Variants in VPS4B observed in about 807,000 individuals in gnomAD.
VPS4B encodes the protein vacuolar protein sorting-associated protein 4B.
VPS4B carries 23 observed loss-of-function variants against 56.1 expected under a neutral mutation model. That is an observed-to-expected ratio of 0.41 (90% CI 0.30 to 0.58). The LOEUF (loss-of-function observed/expected upper bound fraction) is 0.58, where lower values mean the gene tolerates loss of function less well. VPS4B is among the 20% of genes least tolerant of loss of function. The pLI is 0.29. For synonymous variants in VPS4B, 177 were observed against 186.0 expected (o/e 0.95, Z 0.39); for missense variants, 372 against 531.9 (o/e 0.70, Z 2.96).
In VPS4B at chr18:63,396,122, A is replaced by G. The variant is rs530358832; in HGVS notation, c.1092+912T>C. 1.2e-4 allele frequency among the ~76,000 whole-genome samples: 19 copies of G among 152,348 alleles called. No individual in the cohort carries two copies. The South Asian group carries it at 3.5e-3, about 28-fold the overall frequency. The stretch of plus-strand genomic sequence containing the variant: ...GTATAAATGCACCAGATTCTACTCA[A>G]AAATATTCTAGATGTGTCAGAAGCA... On this transcript the variant is annotated intron_variant, in intron 9 of 10. Coordinates refer to ENST00000238497, the MANE Select transcript of VPS4B (RefSeq NM_004869.4).
At chr18:63,403,964 G>T in intron 4 of VPS4B, 138 bp from the exon 5 acceptor site, 1 of 988,024 alleles carries the variant, frequency 1.0e-6, no homozygotes, top group Non-Finnish European at 1.4e-6. Flanking sequence ...TTGAAATAGC[G>T]TGAGCAGGAA....
At chr18:63,399,183 A>G (rs760143317) in intron 8 of VPS4B, 59 bp downstream of exon 8, 85 of 1,437,552 alleles carry the variant, frequency 5.9e-5, no homozygotes, top group Non-Finnish European at 8.0e-5. Context: ...CAAAAAGAGA[A>G]TTATCATCTA....
chr18:63,421,037 C>CAAAAAAA, intron 1 of VPS4B, among the ~76,000 whole-genome samples: 1 of 52,040 alleles, frequency 1.9e-5, no homozygotes, highest in South Asian at 6.7e-4. Flanking sequence ...GACTCCGTCT[C>CAAAAAAA]AAAAAAAAAA....
intron 8 of VPS4B, among the ~76,000 whole-genome samples, chr18:63,398,204 C>CACACATATATATATATATATATAT (rs1298374245): frequency 5.3e-5 from 6 of 112,436 alleles, no homozygotes; most frequent in African/African-American, 2.0e-4. Flanking sequence ...CACACACACA[C>CACACATATATATATATATATATAT]ATATATATAT....
chr18:63,394,046 T>C (rs545312384), intron 9 of VPS4B, among the ~76,000 whole-genome samples: 8 of 152,256 alleles, frequency 5.3e-5, no homozygotes, highest in Non-Finnish European at 1.0e-4. Flanking sequence ...TGCTTTTAGT[T>C]TTTTTCTTGA....
At chr18:63,419,840 G>A (rs964840512) in intron 1 of VPS4B, among the ~76,000 whole-genome samples, 63 of 152,190 alleles carry the variant, frequency 4.1e-4, no homozygotes, top group African/African-American at 1.4e-3. Context: ...CAGGGAAGTG[G>A]AGAATACTGT....
rs1328221184 is a variant in VPS4B at position 63,390,897 on chromosome 18, CAATT to C, written c.*74_*77del. 37 of 999,814 alleles carry C rather than the reference CAATT, an allele frequency of 3.7e-5. No homozygotes were observed. The highest frequency in any genetic ancestry group is 4.9e-5 in the Non-Finnish European group (32 of 656,068). The allele number at this position is 999,814 out of a possible 1,614,324, so 61.9% of individuals were successfully genotyped here. ...TGTGGTAAAAGAGTTTTACTGGAAA[CAATT>C]AATGCGATCCAAATAGACAAAAATA... On this transcript the variant is annotated 3_prime_UTR_variant, in exon 11 of 11. Transcript: ENST00000238497.
chr18:63,413,338 C>T (rs865972902), intron 1 of VPS4B, among the ~76,000 whole-genome samples: 10 of 151,962 alleles, frequency 6.6e-5, no homozygotes, highest in African/African-American at 2.4e-4. Flanking sequence ...CAGGAGTTTG[C>T]GACCAGCGTG....
chr18:63,411,651 G>C (rs1916048819), intron 1 of VPS4B, 73 bp from the exon 2 acceptor site: 2 of 992,412 alleles, frequency 2.0e-6, no homozygotes, highest in Non-Finnish European at 2.6e-6. Flanking sequence ...TAATCATACT[G>C]AAAGTTTTTT....
At position 63,403,844 on chromosome 18, in the gene VPS4B, A is replaced by G. The variant is rs1915862773; in HGVS notation, c.365-18T>C. 1 of 1,592,420 alleles carries G rather than the reference A, an allele frequency of 6.3e-7. No homozygotes were observed. Among genetic ancestry groups the G allele is most frequent in the African/African-American group, 1.4e-5 (1 of 73,908 alleles). ...AATGGCACCTGCAAAAAATTACGTT[A>G]TCTTTAAATTAAGAAAGACTATTTC... On this transcript the variant is annotated intron_variant, in intron 4 of 10. Transcript: ENST00000238497.
intron 1 of VPS4B, among the ~76,000 whole-genome samples, chr18:63,413,273 T>C (rs1257305771): frequency 6.6e-6 from 1 of 152,204 alleles, no homozygotes; most frequent in African/African-American, 2.4e-5. Context: ...TTCTCAGTAT[T>C]TCTTACAACT....
Position 63,410,364 on chromosome 18 carries a change from C to A in VPS4B, c.222G>T (p.Glu74Asp). The A allele has an allele frequency of 6.2e-7, 1 of 1,613,960 alleles. No homozygotes were observed. Among genetic ancestry groups the A allele is most frequent in the Admixed American group, 1.7e-5 (1 of 60,008 alleles). The stretch of plus-strand genomic sequence containing the variant: ...CTTTTTTCTCTTTATTTTTCAGGTA[C>A]TCCTTTAGTTTTTCTGCTCTATCAA... ...EYLDRAEKLK[E>D]YLKNKEKKAQ... Residue 74 changes from glutamate (E) to aspartate (D), a missense_variant, in exon 3 of 11, where the codon GAG (glutamate) becomes GAT (aspartate). This residue lies in a region of VPS4B where 153 missense variants were observed against 190.3 expected (regional missense o/e 0.80). Coordinates refer to ENST00000238497, the MANE Select transcript of VPS4B (RefSeq NM_004869.4).
intron 1 of VPS4B, among the ~76,000 whole-genome samples, chr18:63,413,656 C>T (rs1916096551): frequency 6.6e-6 from 1 of 151,456 alleles, no homozygotes; most frequent in African/African-American, 2.4e-5. Flanking sequence ...GAAATAGGTG[C>T]CAGTAAAAAA....
At position 63,390,871 on chromosome 18, in the gene VPS4B, C is replaced by G. The variant is rs912942123; in HGVS notation, c.*104G>C. On this transcript the variant is annotated 3_prime_UTR_variant, in exon 11 of 11. Coordinates refer to ENST00000238497, the MANE Select transcript of VPS4B (RefSeq NM_004869.4). ...ACTCTGAAGTGAGATGTGTATTTCC[C>G]TGTGGTAAAAGAGTTTTACTGGAAA... is the stretch of plus-strand genomic sequence containing the variant. The G allele has an allele frequency of 1.2e-5, 9 of 737,000 alleles. No individual in the cohort carries two copies. In the Admixed American group the frequency reaches 2.4e-4, roughly 20 times the overall value. 45.7% of individuals were successfully genotyped at this position (737,000 alleles called of 1,614,324 possible).
At chr18:63,407,997 C>T (rs925543422) in intron 3 of VPS4B, among the ~76,000 whole-genome samples, 28 of 152,296 alleles carry the variant, frequency 1.8e-4, no homozygotes, top group African/African-American at 6.3e-4. Context: ...CAATGAACTA[C>T]ACCCAAAGAA....
In VPS4B at chr18:63,389,812, C is replaced by T. The variant is rs1261346318; in HGVS notation, c.*1163G>A. On this transcript the variant is annotated 3_prime_UTR_variant, in exon 11 of 11. Transcript: ENST00000238497. ...GACACCCCATATCACAGACAAGAAA[C>T]TTCCCATAATTCAAAGGGAGACCAT... 1 of 152,578 alleles carries T rather than the reference C, an allele frequency of 6.6e-6. No individual in the cohort carries two copies. Among genetic ancestry groups the T allele is most frequent in the African/African-American group, 2.4e-5 (1 of 41,440 alleles). 9.5% of individuals were successfully genotyped at this position (152,578 alleles called of 1,614,324 possible).
At chr18:63,399,161 T>C (rs373286340) in intron 8 of VPS4B, 81 bp downstream of exon 8, 62 of 1,325,246 alleles carry the variant, frequency 4.7e-5, no homozygotes, top group South Asian at 2.0e-4. Context: ...GTTAGAATGC[T>C]TCCTGACAAG....
intron 3 of VPS4B, among the ~76,000 whole-genome samples, chr18:63,408,245 GA>G (rs1759645525): frequency 1.3e-5 from 2 of 152,032 alleles, no homozygotes; most frequent in Non-Finnish European, 2.9e-5. Flanking sequence ...GTATAAAAGT[GA>G]TAAAGCCAAA....
intron 9 of VPS4B, among the ~76,000 whole-genome samples, 188 bp from the exon 10 acceptor site, chr18:63,393,737 T>C (rs1324779452): frequency 6.6e-6 from 1 of 152,104 alleles, no homozygotes; most frequent in Non-Finnish European, 1.5e-5. Context: ...AGATTTTGGT[T>C]GCTTTTAGTT....
Sources: gnomAD v4.1 joint callset for allele counts (sites outside exome capture counted in the v4.1 genomes callset) on GRCh38, gnomAD v4.1.1 for gene constraint, gnomAD v4.1.1 regional missense constraint, MANE v1.5 for transcripts, NCBI Gene and HGNC (gene_info 2026-07-23, HGNC 2026-07-21) for gene names.